Variants in RHBDD3 observed in about 807,000 individuals in gnomAD.
RHBDD3 encodes rhomboid domain-containing protein 3.
A neutral mutation model predicts 32.3 loss-of-function variants in RHBDD3; 34 were observed. The ratio of observed to expected loss-of-function variants is 1.05; its 90% CI spans 0.80 to 1.40. The LOEUF is 1.40. Ranked by LOEUF, RHBDD3 falls within the 40% of genes most tolerant of loss-of-function variation. The probability of loss-of-function intolerance (pLI) is 0.00; values close to 1 mark genes in which losing one functional copy is unlikely to be tolerated. For missense variants in RHBDD3, 482 were observed against 492.6 expected, an observed-to-expected ratio of 0.98 and a Z score of 0.20; for synonymous variants, 249 against 239.1, an observed-to-expected ratio of 1.04 and a Z score of -0.38.
At chr22:29,264,317 C>G (rs2058153789) in intron 3 of RHBDD3, 99 bp from the exon 4 acceptor site, 1 of 1,434,642 alleles carries the variant, frequency 7.0e-7, no homozygotes, top group Non-Finnish European at 9.2e-7. Flanking sequence ...CCAGGGCCAC[C>G]TGCTGAGCCC....
chr22:29,265,608 G>T lies in RHBDD3; in HGVS notation c.19C>A (p.His7Asn), dbSNP rs772693581. ...GGCAGTGCTGGGGACAGTTGGCCATGGGGGCCCCTGGCATGCATCGCTTGG... is the reference window on the plus strand; with the variant it reads ...GGCAGTGCTGGGGACAGTTGGCCATTGGGGCCCCTGGCATGCATCGCTTGG... MHARGPHGQLSPALPLA... is the reference protein window; with the variant it reads MHARGPNGQLSPALPLA... The change falls in exon 3 of 7, where the codon CAT (histidine) becomes AAT (asparagine). Residue 7 changes from histidine to asparagine, a missense_variant. Transcript: ENST00000216085. 1 of 1,589,496 alleles carries T rather than the reference G, an allele frequency of 6.3e-7. No individual in the cohort carries two copies. Among genetic ancestry groups the T allele is most frequent in the Admixed American group, 1.8e-5 (1 of 55,096 alleles).
chr22:29,267,879 C>A lies in RHBDD3; in HGVS notation c.-326G>T, dbSNP rs983473913. Reference sequence around the variant, plus strand: ...CACCCGGCCGCGTGACCCCTGCCGACCGGCTGGCGCGCCACCCATTCCCCG... The same window carrying A: ...CACCCGGCCGCGTGACCCCTGCCGAACGGCTGGCGCGCCACCCATTCCCCG... On this transcript the variant is annotated 5_prime_UTR_variant, in exon 1 of 7. Transcript: ENST00000216085. The A allele has an allele frequency of 8.6e-6, 2 of 231,424 alleles. No homozygotes were observed. The highest frequency in any genetic ancestry group is 1.7e-5 in the Non-Finnish European group (2 of 114,438). The allele number at this position is 231,424 out of a possible 1,614,324, so 14.3% of individuals were successfully genotyped here. A position where few individuals can be genotyped will look rare whatever the true frequency, so the allele number is the denominator to read the frequency against.
At position 29,260,314 on chromosome 22, in the gene RHBDD3, A is replaced by T; in HGVS notation, c.983+12T>A. ...ATACCAGGGGACCCCACCTCTGCCC[A>T]CCCCACCTTACCGCAGAGAGGAGAC... On this transcript the variant is annotated intron_variant, in intron 6 of 6. Transcript: ENST00000216085. 1 of 1,605,758 alleles carries T rather than the reference A, an allele frequency of 6.2e-7. No homozygotes were observed. Among genetic ancestry groups the T allele is most frequent in the Non-Finnish European group, 8.5e-7 (1 of 1,175,588 alleles).
chr22:29,262,304 A>G (rs2058129474), intron 4 of RHBDD3, among the ~76,000 whole-genome samples: 1 of 151,936 alleles, frequency 6.6e-6, no homozygotes, highest in Middle Eastern at 3.4e-3. Flanking sequence ...ACACCTGGCT[A>G]ATTTTTGTAT....
chr22:29,267,950 C>T lies in RHBDD3; in HGVS notation c.-397G>A, dbSNP rs2058264956. The T allele has an allele frequency of 3.1e-6, 1 of 323,796 alleles. No individual in the cohort carries two copies. Among genetic ancestry groups the T allele is most frequent in the East Asian group, 4.7e-5 (1 of 21,386 alleles). 20.1% of individuals were successfully genotyped at this position (323,796 alleles called of 1,614,324 possible). ...AGTTGTTCTAGTCCGGGTCCCTTCC[C>T]CCAGCCCTCCCGCCGATCTCCGTCT... is the stretch of plus-strand genomic sequence containing the variant. On this transcript the variant is annotated 5_prime_UTR_variant, in exon 1 of 7. Transcript: ENST00000216085.
In RHBDD3 at chr22:29,260,533, C is replaced by T. The variant is rs1431998969; in HGVS notation, c.776G>A (p.Ser259Asn). ...CCAGGTGGGCTGCACAGGCCTCAGG[C>T]TTGGTGGGGGCAGGGCTGAGTCTTC... ...HWEDSALPPP[S>N]LRPVQPTWEG... The change falls in exon 6 of 7, where the codon AGC (serine) becomes AAC (asparagine). Residue 259 changes from serine (S) to asparagine (N), a missense_variant. Ser to Asn is a conservative substitution (Grantham distance 46, BLOSUM62 1). Coordinates refer to ENST00000216085, the MANE Select transcript of RHBDD3 (RefSeq NM_012265.3). 6.3e-7 allele frequency: 1 copy of T among 1,598,054 alleles called. No individual in the cohort carries two copies.
upstream of RHBDD3, chr22:29,268,092 C>A: frequency 1.7e-6 from 1 of 600,170 alleles, no homozygotes; most frequent in South Asian, 1.9e-5. Context: ...CGCTCACCCC[C>A]GCTCTGGCCC....
chr22:29,262,418 TG>T (rs2058130666), intron 4 of RHBDD3, among the ~76,000 whole-genome samples: 1 of 152,142 alleles, frequency 6.6e-6, no homozygotes, highest in East Asian at 1.9e-4. Context: ...GGATTACAGG[TG>T]TGAGCCACCG....
At chr22:29,264,707 C>A (rs1020562831) in intron 3 of RHBDD3, 2 of 162,364 alleles carry the variant, frequency 1.2e-5, no homozygotes, top group African/African-American at 4.8e-5. Context: ...GCTGAGGTCA[C>A]TCCTCAAAAC....
chr22:29,261,138 T>C, intron 4 of RHBDD3: 1 of 596,398 alleles, frequency 1.7e-6, no homozygotes, highest in Non-Finnish European at 3.1e-6. Context: ...CAGAACCCTA[T>C]GCACCTTTTC....
chr22:29,265,618 G>C lies in RHBDD3; in HGVS notation c.9C>G (p.Ala3=). 2 of 1,586,890 alleles carry C rather than the reference G, an allele frequency of 1.3e-6. No homozygotes were observed. Among genetic ancestry groups the C allele is most frequent in the Non-Finnish European group, 1.7e-6 (2 of 1,170,016 alleles). The change falls in exon 3 of 7, where the codon GCC becomes GCG. Residue 3 remains alanine (A), a synonymous_variant. Transcript: ENST00000216085. ...GGGACAGTTGGCCATGGGGGCCCCTGGCATGCATCGCTTGGTTGAGGACGG... is the reference window on the plus strand; with the variant it reads ...GGGACAGTTGGCCATGGGGGCCCCTCGCATGCATCGCTTGGTTGAGGACGG... MH[A]RGPHGQLSPA...
In RHBDD3 at chr22:29,265,461, C is replaced by A; in HGVS notation, c.148+18G>T. On this transcript the variant is annotated intron_variant, in intron 3 of 6. Coordinates refer to ENST00000216085, the MANE Select transcript of RHBDD3 (RefSeq NM_012265.3). ...CAAGTCTCCTGCTTCCTCCAAGGTC[C>A]ACGTGGCTGGCCCTCACCCTGCCAG... is the stretch of plus-strand genomic sequence containing the variant. 1 of 1,506,144 alleles carries A rather than the reference C, an allele frequency of 6.6e-7. No homozygotes were observed. Among genetic ancestry groups the A allele is most frequent in the South Asian group, 1.3e-5 (1 of 75,288 alleles). 93.3% of individuals were successfully genotyped at this position (1,506,144 alleles called of 1,614,324 possible).
intron 4 of RHBDD3, 86 bp from the exon 5 acceptor site, chr22:29,260,950 A>G: frequency 7.5e-7 from 1 of 1,324,632 alleles, no homozygotes; most frequent in Non-Finnish European, 1.0e-6. Context: ...CCCCATGCCA[A>G]GTGTGCTGGC....
intron 2 of RHBDD3, among the ~76,000 whole-genome samples, chr22:29,266,975 A>C (rs989132882): frequency 4.6e-5 from 7 of 152,150 alleles, no homozygotes; most frequent in African/African-American, 1.7e-4. Context: ...TATCCTTAGG[A>C]GCACAGCTTG....
rs2058261728 is a variant in RHBDD3 at position 29,267,906 on chromosome 22, G to T, written c.-353C>A. On this transcript the variant is annotated 5_prime_UTR_variant, in exon 1 of 7. Coordinates refer to ENST00000216085, the MANE Select transcript of RHBDD3 (RefSeq NM_012265.3). ...GGCTGGCGCGCCACCCATTCCCCGC[G>T]GCCCGCGGATTAGTCAGCAGTTGTT... The T allele has an allele frequency of 4.3e-6, 1 of 231,828 alleles. No individual in the cohort carries two copies. The highest frequency in any genetic ancestry group is 8.6e-6 in the Non-Finnish European group (1 of 115,958). The allele number at this position is 231,828 out of a possible 1,614,324, so 14.4% of individuals were successfully genotyped here.
intron 5 of RHBDD3, 23 bp downstream of exon 5, chr22:29,260,679 G>A: frequency 6.4e-7 from 1 of 1,553,996 alleles, no homozygotes. Context: ...CACCTGGACT[G>A]GCATCCCCCC....
chr22:29,260,724 C>T lies in RHBDD3; in HGVS notation c.673G>A (p.Val225Ile). ...ATPGSLAELPVTHPAGVRPPI... is the reference protein window; with the variant it reads ...ATPGSLAELPITHPAGVRPPI... The stretch of plus-strand genomic sequence containing the variant: ...CACCTCACTCCGGCAGGATGGGTGA[C>T]AGGCAGCTCCGCCAGGCTACCCGGG... Residue 225 changes from valine (V) to isoleucine (I), a missense_variant, in exon 5 of 7, where the codon GTC becomes ATC. Val to Ile is a conservative substitution (Grantham distance 29, BLOSUM62 3). Coordinates refer to ENST00000216085, the MANE Select transcript of RHBDD3 (RefSeq NM_012265.3). 1 of 1,589,720 alleles carries T rather than the reference C, an allele frequency of 6.3e-7. No homozygotes were observed. The highest frequency in any genetic ancestry group is 8.6e-7 in the Non-Finnish European group (1 of 1,168,766).
In RHBDD3 at chr22:29,265,468, C is replaced by T; in HGVS notation, c.148+11G>A. Reference sequence around the variant, plus strand: ...CCTGCTTCCTCCAAGGTCCACGTGGCTGGCCCTCACCCTGCCAGGGGTCCA... The same window carrying T: ...CCTGCTTCCTCCAAGGTCCACGTGGTTGGCCCTCACCCTGCCAGGGGTCCA... On this transcript the variant is annotated intron_variant, in intron 3 of 6. Transcript: ENST00000216085. 6.6e-7 allele frequency: 1 copy of T among 1,514,914 alleles called. No individual in the cohort carries two copies. The highest frequency in any genetic ancestry group is 2.4e-5 in the Admixed American group (1 of 41,268). 93.8% of individuals were successfully genotyped at this position (1,514,914 alleles called of 1,614,324 possible). A position where few individuals can be genotyped will look rare whatever the true frequency, so the allele number is the denominator to read the frequency against.
intron 4 of RHBDD3, among the ~76,000 whole-genome samples, chr22:29,262,706 TTTAA>T (rs2058133383): frequency 6.6e-6 from 1 of 152,136 alleles, no homozygotes; most frequent in South Asian, 2.1e-4. Flanking sequence ...CACTTAGGCT[TTTAA>T]TTTTCTTTTT....
Sources: allele counts gnomAD v4.1 joint callset (sites outside exome capture counted in the v4.1 genomes callset), GRCh38; gene constraint gnomAD v4.1.1; transcripts MANE v1.5; gene names NCBI Gene and HGNC (gene_info 2026-07-23, HGNC 2026-07-21).